ZNF407: variants seen among roughly 807,000 people sequenced by gnomAD.
ZNF407 encodes the protein zinc finger protein 407.
Under a neutral mutation model 131.2 loss-of-function variants are expected in ZNF407, and 17 were observed. The observed-to-expected ratio is 0.13, with a 90% CI of 0.09 to 0.19. The LOEUF (loss-of-function observed/expected upper bound fraction) is 0.19, where lower values mean the gene tolerates loss of function less well. ZNF407 is among the 10% of genes least tolerant of loss of function. The pLI is 1.00. For synonymous variants in ZNF407, 1,156 were observed against 1,062.0 expected (o/e 1.09, Z -1.72); for missense variants, 2,681 against 2,830.6 (o/e 0.95, Z 1.20).
At chr18:74,600,960 A>G (rs1254707720) in intron 1 of ZNF407, among the ~76,000 whole-genome samples, 1 of 152,204 alleles carries the variant, frequency 6.6e-6, no homozygotes, top group African/African-American at 2.4e-5. Flanking sequence ...GATCTTTTAG[A>G]GGCTGTTGCA....
chr18:75,047,564 C>T (rs990822262), intron 8 of ZNF407, among the ~76,000 whole-genome samples: 1 of 152,162 alleles, frequency 6.6e-6, no homozygotes, highest in Admixed American at 6.5e-5. Flanking sequence ...TTTCTGTGTG[C>T]AGTTTACCTA....
intron 8 of ZNF407, among the ~76,000 whole-genome samples, chr18:75,053,198 C>G (rs1299524216): frequency 6.6e-6 from 1 of 152,164 alleles, no homozygotes; most frequent in Admixed American, 6.5e-5. Context: ...GCACTGTTCC[C>G]TCTAGACACA....
In ZNF407 at chr18:74,633,599, T is replaced by G; in HGVS notation, c.2580T>G (p.Ser860=). Residue 860 remains serine (S), a synonymous_variant, in exon 2 of 9, where the codon TCT becomes TCG. Coordinates refer to ENST00000299687, the MANE Select transcript of ZNF407 (RefSeq NM_017757.3). ...RTCSHCGLLA[S]SITNLTVHIR... is the part of the protein sequence containing the mutation. The stretch of plus-strand genomic sequence containing the variant: ...GTTCACACTGTGGCCTTTTGGCCTC[T>G]AGTATTACAAACTTGACTGTTCACA... 3.1e-6 allele frequency: 5 copies of G among 1,614,056 alleles called. No individual in the cohort carries two copies. The highest frequency in any genetic ancestry group is 4.2e-6 in the Non-Finnish European group (5 of 1,179,902).
intron 1 of ZNF407, among the ~76,000 whole-genome samples, chr18:74,614,297 C>G (rs1983189920): frequency 6.6e-6 from 1 of 152,100 alleles, no homozygotes; most frequent in Admixed American, 6.5e-5. Flanking sequence ...GGGTGGTGTT[C>G]TACTGTATTT....
chr18:75,016,966 G>A (rs1215098594), intron 8 of ZNF407, among the ~76,000 whole-genome samples: 1 of 152,118 alleles, frequency 6.6e-6, no homozygotes, highest in Non-Finnish European at 1.5e-5. Context: ...TCCAGAAAAA[G>A]CAGGTGTCTA....
At chr18:74,611,108 A>G (rs752432642) in intron 1 of ZNF407, among the ~76,000 whole-genome samples, 4 of 152,154 alleles carry the variant, frequency 2.6e-5, no homozygotes, top group Admixed American at 2.0e-4. Context: ...TATGTTTTTA[A>G]TTCACATTAC....
chr18:74,635,833 G>C lies in ZNF407; in HGVS notation c.4687+127G>C. ...GGTTCACATTTCACTGCCGTGTGCT[G>C]CTCTGCTTGTCTGCAATAAGTCATT... On this transcript the variant is annotated intron_variant, in intron 2 of 8. Transcript: ENST00000299687. This position sits in a 1 kb window ranked among gnomAD's most constrained non-coding sequence, Gnocchi z 4.7. 7.8e-7 allele frequency: 1 copy of C among 1,275,252 alleles called. No individual in the cohort carries two copies. Among genetic ancestry groups the C allele is most frequent in the Non-Finnish European group, 1.1e-6 (1 of 944,530 alleles). The allele number at this position is 1,275,252 out of a possible 1,614,324, so 79.0% of individuals were successfully genotyped here. A position where few individuals can be genotyped will look rare whatever the true frequency, so the allele number is the denominator to read the frequency against.
chr18:74,723,945 TG>T (rs1243679904), intron 3 of ZNF407, among the ~76,000 whole-genome samples: 30 of 27,932 alleles, frequency 1.1e-3, no homozygotes, highest in Non-Finnish European at 1.6e-3. Flanking sequence ...TGGGGCGGGG[TG>T]GGGGGGGTTT....
chr18:74,825,711 T>A (rs1465415517), intron 4 of ZNF407, among the ~76,000 whole-genome samples: 1 of 152,240 alleles, frequency 6.6e-6, no homozygotes, highest in East Asian at 1.9e-4. Context: ...TGCCTTTCTA[T>A]ATTTTAAATG....
chr18:74,936,823 G>T (rs1972045389), intron 8 of ZNF407, among the ~76,000 whole-genome samples: 1 of 152,154 alleles, frequency 6.6e-6, no homozygotes, highest in African/African-American at 2.4e-5. Flanking sequence ...TTAATGAAAA[G>T]CATTTTTATC....
intron 3 of ZNF407, among the ~76,000 whole-genome samples, chr18:74,746,778 A>T (rs965481447): frequency 6.6e-6 from 1 of 151,870 alleles, no homozygotes; most frequent in African/African-American, 2.4e-5. Context: ...AAGCTGTTTT[A>T]CACTTAACTT....
At chr18:74,673,199 A>G (rs1986220463) in intron 3 of ZNF407, among the ~76,000 whole-genome samples, 1 of 152,234 alleles carries the variant, frequency 6.6e-6, no homozygotes, top group Admixed American at 6.5e-5. Context: ...CTGCTGAACC[A>G]GATGACCACA....
intron 8 of ZNF407, among the ~76,000 whole-genome samples, chr18:75,060,716 A>G (rs540599909): frequency 5.6e-4 from 85 of 151,488 alleles, no homozygotes; most frequent in Non-Finnish European, 9.4e-4. Flanking sequence ...CGTGTTAGCC[A>G]GGATGGTCTC....
intron 3 of ZNF407, among the ~76,000 whole-genome samples, chr18:74,696,988 TAAAA>T (rs1400586446): frequency 1.3e-5 from 2 of 152,228 alleles, no homozygotes; most frequent in East Asian, 3.8e-4. Context: ...CAAAGTTTAT[TAAAA>T]TATGCTTAAA....
At chr18:74,991,016 A>G (rs967172802) in intron 8 of ZNF407, among the ~76,000 whole-genome samples, 3 of 152,184 alleles carry the variant, frequency 2.0e-5, no homozygotes, top group Non-Finnish European at 4.4e-5. Flanking sequence ...AGTTCAGAGG[A>G]AAAAACTGGC....
intron 3 of ZNF407, among the ~76,000 whole-genome samples, chr18:74,645,201 T>G (rs1161414367): frequency 6.6e-6 from 1 of 152,088 alleles, no homozygotes; most frequent in Non-Finnish European, 1.5e-5. Flanking sequence ...GTATAAAGAT[T>G]ATATCATCCC....
At chr18:74,790,369 GTAT>G in intron 4 of ZNF407, among the ~76,000 whole-genome samples, 1 of 152,298 alleles carries the variant, frequency 6.6e-6, no homozygotes, top group South Asian at 2.1e-4. Flanking sequence ...GCCCTTGTGT[GTAT>G]AATACATTGT....
At chr18:74,765,815 G>T (rs72971369) in intron 3 of ZNF407, among the ~76,000 whole-genome samples, 2 of 152,040 alleles carry the variant, frequency 1.3e-5, no homozygotes, top group Non-Finnish European at 2.9e-5. Flanking sequence ...CTGTCTGACA[G>T]CTGGCTCTTT....
At chr18:74,657,900 CTTTCTTCTTCTT>C (rs1568150414) in intron 3 of ZNF407, among the ~76,000 whole-genome samples, 17 of 112,664 alleles carry the variant, frequency 1.5e-4, no homozygotes. Context: ...TCTCCTTTTC[CTTTCTTCTTCTT>C]CTTCTTCTTC....
Sources: allele counts gnomAD v4.1 joint callset (sites outside exome capture counted in the v4.1 genomes callset), GRCh38; gene constraint gnomAD v4.1.1; non-coding constraint Gnocchi (gnomAD v3.1); transcripts MANE v1.5; gene names NCBI Gene and HGNC (gene_info 2026-07-23, HGNC 2026-07-21).